SIDT2: variants seen among roughly 807,000 people sequenced by gnomAD.
SIDT2 encodes SID1 transmembrane family member 2, also known as SID1 transmembrane family, member 2.
SIDT2 carries 68 observed loss-of-function variants against 114.4 expected under a neutral mutation model. The observed-to-expected ratio is 0.59, with a 90% CI of 0.49 to 0.73. The LOEUF (loss-of-function observed/expected upper bound fraction) is 0.73, where lower values mean the gene tolerates loss of function less well. Ranked by LOEUF, SIDT2 falls within the 30% of genes least tolerant of loss-of-function variation. The probability of loss-of-function intolerance (pLI) is 0.00; values close to 1 mark genes in which losing one functional copy is unlikely to be tolerated. For missense variants in SIDT2, 918 were observed against 1,097.1 expected (o/e 0.84, Z 2.31); for synonymous variants, 470 against 438.4 (o/e 1.07, Z -0.90).
In SIDT2 at chr11:117,192,524, G is replaced by T; in HGVS notation, c.1982-50G>T. The T allele has an allele frequency of 6.3e-7, 1 of 1,598,042 alleles. No homozygotes were observed. On this transcript the variant is annotated intron_variant, in intron 20 of 25. Coordinates refer to ENST00000324225, the MANE Select transcript of SIDT2 (RefSeq NM_001040455.2). The surrounding 1 kb of genome is among the most constrained non-coding windows in gnomAD (Gnocchi z 5.9). ...TCAGCTGGCACATCCCAGGGGTCCA[G>T]CAAAGGAGGGTGCCCCGTGCCTGTC... is the stretch of plus-strand genomic sequence containing the variant.
In SIDT2 at chr11:117,192,097, A is replaced by AC. The variant is rs1011115612; in HGVS notation, c.1872+85dup. The AC allele has an allele frequency of 1.6e-5, 26 of 1,588,296 alleles. No individual in the cohort carries two copies. In the African/African-American group the frequency reaches 3.2e-4, roughly 20 times the overall value. Reference sequence around the variant, plus strand: ...AGACACGTAGTGCACACCCTCCGCCACCTCCTGCATGAGAGATTCCTGCTC... The same window carrying AC: ...AGACACGTAGTGCACACCCTCCGCCACCCTCCTGCATGAGAGATTCCTGCTC... On this transcript the variant is annotated intron_variant, in intron 19 of 25. Transcript: ENST00000324225. This position sits in a 1 kb window ranked among gnomAD's most constrained non-coding sequence, Gnocchi z 5.9.
rs1487652651 is a variant in SIDT2, at chr11:117,189,391, C to G, written c.1409C>G (p.Thr470Ser). 6.2e-7 allele frequency: 1 copy of G among 1,614,022 alleles called. No homozygotes were observed. Among genetic ancestry groups the G allele is most frequent in the Non-Finnish European group, 8.5e-7 (1 of 1,179,962 alleles). The part of the protein sequence containing the change: ...YALPVVQLVI[T>S]YQTVVNVTGN... Reference sequence around the variant, plus strand: ...CTTCCTGTGGTGCAGCTGGTGATCACCTACCAGACGGTGAGAGGGCAGGGC... The same window carrying G: ...CTTCCTGTGGTGCAGCTGGTGATCAGCTACCAGACGGTGAGAGGGCAGGGC... Residue 470 changes from threonine to serine, a missense_variant, in exon 15 of 26, where the codon ACC (threonine) becomes AGC (serine). Transcript: ENST00000324225.
In SIDT2 at chr11:117,192,808, G is replaced by A. The variant is rs779042550; in HGVS notation, c.2059-12G>A. On this transcript the variant is annotated splice_polypyrimidine_tract_variant and intron_variant, in intron 21 of 25. Coordinates refer to ENST00000324225, the MANE Select transcript of SIDT2 (RefSeq NM_001040455.2). The surrounding 1 kb of genome is among the most constrained non-coding windows in gnomAD (Gnocchi z 5.9). The stretch of plus-strand genomic sequence containing the variant: ...CCCTGCCCTCAGTCCCTGTGTCCCT[G>A]CTTCCCTCCAGGACCGCATGGTGCT... The A allele has an allele frequency of 6.2e-7, 1 of 1,614,134 alleles. No individual in the cohort carries two copies. The highest frequency in any genetic ancestry group is 8.5e-7 in the Non-Finnish European group (1 of 1,180,022).
At position 117,192,521 on chromosome 11, in the gene SIDT2, C is replaced by G; in HGVS notation, c.1982-53C>G. ...TCCTCAGCTGGCACATCCCAGGGGT[C>G]CAGCAAAGGAGGGTGCCCCGTGCCT... On this transcript the variant is annotated intron_variant, in intron 20 of 25. Transcript: ENST00000324225. The surrounding 1 kb of genome is among the most constrained non-coding windows in gnomAD (Gnocchi z 5.9). 5 of 1,594,666 alleles carry G rather than the reference C, an allele frequency of 3.1e-6. No individual in the cohort carries two copies. The South Asian group carries it at 5.5e-5, about 18-fold the overall frequency.
intron 1 of SIDT2, among the ~76,000 whole-genome samples, chr11:117,180,570 C>T (rs1470046178): frequency 8.3e-6 from 1 of 120,376 alleles, no homozygotes; most frequent in Non-Finnish European, 1.6e-5. Flanking sequence ...CAGTCTCACT[C>T]TGTTGCCCAG....
Position 117,183,982 on chromosome 11 carries a change from G to A in SIDT2, c.803-92G>A. 4 of 1,531,674 alleles carry A rather than the reference G, an allele frequency of 2.6e-6. No homozygotes were observed. In the East Asian group the frequency reaches 6.8e-5, roughly 26 times the overall value. The allele number at this position is 1,531,674 out of a possible 1,614,324, so 94.9% of individuals were successfully genotyped here. On this transcript the variant is annotated intron_variant, in intron 7 of 25. Coordinates refer to ENST00000324225, the MANE Select transcript of SIDT2 (RefSeq NM_001040455.2). ...TGATTGGTGGACCTGATAGGACATG[G>A]GTTTTTGGCTCCAGTCTCTCAAAGG...
At position 117,193,862 on chromosome 11, in the gene SIDT2, G is replaced by C. The variant is rs770706094; in HGVS notation, c.2221G>C (p.Gly741Arg). ...GCCTGGCCCCTCCCAGCTCCGGAGT[G>C]GGGAGAGGATCAAGCTCATCCCCCT... ...AFYIIMKLRS[G>R]ERIKLIPLLC... The change falls in exon 24 of 26, where the codon GGG becomes CGG. Residue 741 changes from glycine (G) to arginine (R), a missense_variant. This residue lies in a region of SIDT2 where 275 missense variants were observed against 397.6 expected (regional missense o/e 0.69). Coordinates refer to ENST00000324225, the MANE Select transcript of SIDT2 (RefSeq NM_001040455.2). The C allele has an allele frequency of 3.7e-6, 6 of 1,613,624 alleles. No individual in the cohort carries two copies. The South Asian group carries it at 5.5e-5, about 15-fold the overall frequency.
In SIDT2 at chr11:117,191,275, C is replaced by CA. The variant is rs58193139; in HGVS notation, c.1735+549dup. The stretch of plus-strand genomic sequence containing the variant: ...TGGGCAACAGAGCGAGACTCCGTCT[C>CA]AAAAAAAAAAAAAAGAAGGGGGCCC... On this transcript the variant is annotated intron_variant, in intron 18 of 25. Transcript: ENST00000324225. 8.4e-3 allele frequency: 894 copies of CA among 106,166 alleles called. 5 individuals are homozygous for CA. Among genetic ancestry groups the CA allele is most frequent in the African/African-American group, 0.021 (575 of 27,426 alleles). 6.6% of individuals were successfully genotyped at this position (106,166 alleles called of 1,614,324 possible). A position where few individuals can be genotyped will look rare whatever the true frequency, so the allele number is the denominator to read the frequency against.
At chr11:117,187,559 C>G (rs2030545361) in intron 11 of SIDT2, 69 bp from the exon 12 acceptor site, 5 of 1,598,194 alleles carry the variant, frequency 3.1e-6, no homozygotes, top group Admixed American at 3.3e-5. Flanking sequence ...CCCACACCCT[C>G]TGCAGATGCT....
In SIDT2 at chr11:117,188,294, G is replaced by A. The variant is rs1462042380; in HGVS notation, c.1160-414G>A. 1 of 318,852 alleles carries A rather than the reference G, an allele frequency of 3.1e-6. No homozygotes were observed. The highest frequency in any genetic ancestry group is 6.1e-6 in the Non-Finnish European group (1 of 164,660). The allele number at this position is 318,852 out of a possible 1,614,324, so 19.8% of individuals were successfully genotyped here. A position where few individuals can be genotyped will look rare whatever the true frequency, so the allele number is the denominator to read the frequency against. On this transcript the variant is annotated intron_variant, in intron 12 of 25. Coordinates refer to ENST00000324225, the MANE Select transcript of SIDT2 (RefSeq NM_001040455.2). This position sits in a 1 kb window ranked among gnomAD's most constrained non-coding sequence, Gnocchi z 4.0. ...TCTTTCTGCACCCCAGGCCCACTGG[G>A]TCTTTAACCCAGTGGCAGCCAAGGC...
chr11:117,182,177 G>C, intron 4 of SIDT2, 72 bp downstream of exon 4: 1 of 1,560,110 alleles, frequency 6.4e-7, no homozygotes, highest in South Asian at 1.1e-5. Context: ...AGTGGCCAGC[G>C]GTCTTTGCTT....
In SIDT2 at chr11:117,192,540, C is replaced by T. The variant is rs770587448; in HGVS notation, c.1982-34C>T. ...AGGGGTCCAGCAAAGGAGGGTGCCCCGTGCCTGTCAGCACCACTCCCTTCT... is the reference window on the plus strand; with the variant it reads ...AGGGGTCCAGCAAAGGAGGGTGCCCTGTGCCTGTCAGCACCACTCCCTTCT... On this transcript the variant is annotated intron_variant, in intron 20 of 25. Transcript: ENST00000324225. The surrounding 1 kb of genome is among the most constrained non-coding windows in gnomAD (Gnocchi z 5.9). 54 of 1,602,980 alleles carry T rather than the reference C, an allele frequency of 3.4e-5. No homozygotes were observed. Among genetic ancestry groups the T allele is most frequent in the Admixed American group, 2.5e-4 (15 of 59,994 alleles).
At chr11:117,185,867 G>A (rs1184271306) in intron 8 of SIDT2, 16 of 319,714 alleles carry the variant, frequency 5.0e-5, no homozygotes, top group African/African-American at 2.5e-4. Flanking sequence ...GAGTGAGCCC[G>A]TCTCAAAAAA....
At chr11:117,189,643 G>C (rs892153761) in intron 15 of SIDT2, 2 of 604,080 alleles carry the variant, frequency 3.3e-6, no homozygotes, top group Non-Finnish European at 5.9e-6. Context: ...TTTCTTGTGC[G>C]GATTATGAAA....
At chr11:117,189,104 C>G (rs372593484) in intron 13 of SIDT2, 65 bp from the exon 14 acceptor site, 1 of 1,546,688 alleles carries the variant, frequency 6.5e-7, no homozygotes, top group East Asian at 2.2e-5. Flanking sequence ...TTGTCCACCT[C>G]TAACCTGGGG....
chr11:117,191,906 A>G lies in SIDT2; in HGVS notation c.1764A>G (p.Gly588=). Residue 588 remains glycine (G), a synonymous_variant, in exon 19 of 26, where the codon GGA becomes GGG. Coordinates refer to ENST00000324225, the MANE Select transcript of SIDT2 (RefSeq NM_001040455.2). The stretch of plus-strand genomic sequence containing the variant: ...CATCGTTCATGTACATGATCGCCGG[A>G]CTCTGCATGCTGAAGCTCTACCAGA... ...FDTSFMYMIA[G]LCMLKLYQKR... is the part of the protein sequence containing the mutation. 1 of 1,613,566 alleles carries G rather than the reference A, an allele frequency of 6.2e-7. No homozygotes were observed. Among genetic ancestry groups the G allele is most frequent in the Non-Finnish European group, 8.5e-7 (1 of 1,179,928 alleles).
At chr11:117,193,389 A>T in intron 23 of SIDT2, 131 bp downstream of exon 23, 1 of 823,640 alleles carries the variant, frequency 1.2e-6, no homozygotes, top group Non-Finnish European at 1.9e-6. Context: ...GGAGAGGCTA[A>T]AGCCTCTTGC....
chr11:117,189,719 C>T (rs1457480757), intron 15 of SIDT2: 8 of 601,912 alleles, frequency 1.3e-5, no homozygotes, highest in East Asian at 2.8e-5. Flanking sequence ...GGGGCAAGAA[C>T]TTCCATCACG....
chr11:117,192,057 G>C lies in SIDT2; in HGVS notation c.1872+43G>C, dbSNP rs1334627494. 1.2e-6 allele frequency: 2 copies of C among 1,611,286 alleles called. No individual in the cohort carries two copies. The highest frequency in any genetic ancestry group is 1.1e-5 in the South Asian group (1 of 90,974). ...TCTGCTCAGCCTGTATGATAGGAAA[G>C]GTGCACGTGCGTTCAGACACGTAGT... On this transcript the variant is annotated intron_variant, in intron 19 of 25. Transcript: ENST00000324225. The surrounding 1 kb of genome is among the most constrained non-coding windows in gnomAD (Gnocchi z 5.9).
Sources: gnomAD v4.1 joint callset for allele counts (sites outside exome capture counted in the v4.1 genomes callset) on GRCh38, gnomAD v4.1.1 for gene constraint, gnomAD v4.1.1 regional missense constraint, Gnocchi (gnomAD v3.1) non-coding constraint, MANE v1.5 for transcripts, NCBI Gene and HGNC (gene_info 2026-07-23, HGNC 2026-07-21) for gene names.